The following PCNX1 variants were observed in gnomAD, a reference collection of about 807,000 sequenced individuals.
PCNX1 encodes the protein pecanex-like protein 1.
A neutral mutation model predicts 242.2 loss-of-function variants in PCNX1; 78 were observed. The observed-to-expected ratio is 0.32, with a 90% CI of 0.27 to 0.39. The LOEUF (loss-of-function observed/expected upper bound fraction) is 0.39. Among genes scored for constraint, PCNX1 ranks in the 10% least tolerant of loss-of-function variants. PCNX1 has a pLI of 1.00. For synonymous variants in PCNX1, 1,024 were observed against 1,032.9 expected (o/e 0.99, Z 0.17); for missense variants, 2,581 against 2,856.5 (o/e 0.90, Z 2.20).
intron 28 of PCNX1, among the ~76,000 whole-genome samples, chr14:71,087,349 G>A (rs552918823): frequency 7.2e-5 from 11 of 152,088 alleles, no homozygotes; most frequent in Non-Finnish European, 1.5e-4. Flanking sequence ...TAACACAGTC[G>A]CCATTAACTA....
At position 71,073,893 on chromosome 14, in the gene PCNX1, A is replaced by G. The variant is rs978288519; in HGVS notation, c.5106+95A>G. The stretch of plus-strand genomic sequence containing the variant: ...TATATATATGTATATACTTTTTTTT[A>G]ACGTATGCTTTGCTTCCAAGTACTT... On this transcript the variant is annotated intron_variant, in intron 27 of 35. Coordinates refer to ENST00000304743, the MANE Select transcript of PCNX1 (RefSeq NM_014982.3). The G allele has an allele frequency of 1.7e-4, 140 of 830,664 alleles. 1 individual carries two copies. The highest frequency in any genetic ancestry group is 1.5e-4 in the Non-Finnish European group (90 of 601,754). 51.5% of individuals were successfully genotyped at this position (830,664 alleles called of 1,614,324 possible).
chr14:71,053,155 A>AC (rs2061085073), intron 24 of PCNX1: 1 of 406,182 alleles, frequency 2.5e-6, no homozygotes, highest in Non-Finnish European at 4.7e-6. Context: ...ATTTTGGTGA[A>AC]TTTTGGTGTT....
chr14:71,010,514 C>T (rs896194480), intron 9 of PCNX1, among the ~76,000 whole-genome samples: 3 of 151,870 alleles, frequency 2.0e-5, no homozygotes, highest in African/African-American at 7.3e-5. Context: ...TCTTTTATCC[C>T]CCCATCTGAA....
In PCNX1 at chr14:70,977,709, G is replaced by C; in HGVS notation, c.1372G>C (p.Ala458Pro). ...TAGCAGTGAAAAGATTGCTATGGAA[G>C]CGAGTACCAACAGTGGGGTTCACGA... The part of the protein sequence containing the change: ...RTSSEKIAME[A>P]STNSGVHEAK... Residue 458 changes from alanine to proline, a missense_variant, in exon 6 of 36, where the codon GCG becomes CCG. Ala to Pro is a conservative substitution (Grantham distance 27, BLOSUM62 -1). Coordinates refer to ENST00000304743, the MANE Select transcript of PCNX1 (RefSeq NM_014982.3). 2 of 1,614,158 alleles carry C rather than the reference G, an allele frequency of 1.2e-6. No homozygotes were observed. The highest frequency in any genetic ancestry group is 4.5e-5 in the East Asian group (2 of 44,862).
intron 28 of PCNX1, among the ~76,000 whole-genome samples, chr14:71,086,165 G>C: frequency 6.6e-6 from 1 of 151,952 alleles, no homozygotes; most frequent in East Asian, 1.9e-4. Flanking sequence ...GTTTGATTTG[G>C]GTCTTTTCTA....
At chr14:71,004,243 C>G (rs1282194250) in intron 8 of PCNX1, among the ~76,000 whole-genome samples, 7 of 152,200 alleles carry the variant, frequency 4.6e-5, no homozygotes, top group Non-Finnish European at 8.8e-5. Context: ...GTTTTCTGAC[C>G]TTTTTATTTC....
chr14:71,102,894 A>T (rs1430661712), intron 31 of PCNX1, among the ~76,000 whole-genome samples: 1 of 152,216 alleles, frequency 6.6e-6, no homozygotes, highest in African/African-American at 2.4e-5. Flanking sequence ...CATGTACTTA[A>T]TAAAGATCAG....
chr14:71,036,934 T>A (rs2060554266), intron 19 of PCNX1, among the ~76,000 whole-genome samples: 1 of 152,174 alleles, frequency 6.6e-6, no homozygotes, highest in African/African-American at 2.4e-5. Context: ...GGAATGTTCT[T>A]CCATCTGTTT....
At chr14:70,969,200 T>A (rs1414735991) in intron 5 of PCNX1, 90 bp downstream of exon 5, 1 of 753,360 alleles carries the variant, frequency 1.3e-6, no homozygotes, top group East Asian at 2.5e-5. Context: ...GGCAGAAGTT[T>A]ATAACAATTT....
intron 1 of PCNX1, among the ~76,000 whole-genome samples, chr14:70,930,424 T>C (rs2056753868): frequency 6.6e-6 from 1 of 152,218 alleles, no homozygotes; most frequent in East Asian, 1.9e-4. Flanking sequence ...TTTAGTCTCT[T>C]TTCAGCTAGG....
intron 2 of PCNX1, among the ~76,000 whole-genome samples, chr14:70,952,209 G>T (rs976856395): frequency 2.0e-5 from 3 of 152,036 alleles, no homozygotes; most frequent in African/African-American, 4.8e-5. Flanking sequence ...AATTATTTCT[G>T]GATATTATAT....
intron 2 of PCNX1, among the ~76,000 whole-genome samples, chr14:70,948,858 T>C (rs1344961677): frequency 6.7e-6 from 1 of 148,300 alleles, no homozygotes; most frequent in Non-Finnish European, 1.5e-5. Flanking sequence ...TGTGTATATA[T>C]ACACATATGT....
At chr14:70,917,693 G>C (rs1038823782) in intron 1 of PCNX1, among the ~76,000 whole-genome samples, 2 of 152,152 alleles carry the variant, frequency 1.3e-5, no homozygotes, top group African/African-American at 2.4e-5. Flanking sequence ...TGGATTTTTG[G>C]AATGGCCAAT....
Position 71,103,429 on chromosome 14 carries a change from G to T in PCNX1, c.5855G>T (p.Gly1952Val), listed in dbSNP as rs2062517111. 1 of 1,614,024 alleles carries T rather than the reference G, an allele frequency of 6.2e-7. No homozygotes were observed. ...NKECVRGLWA[G>V]QQQELVFLRN... The stretch of plus-strand genomic sequence containing the variant: ...GAATGTGTCCGAGGTCTTTGGGCAG[G>T]GCAACAGCAGGAGCTTGTTTTTCTA... Residue 1952 changes from glycine (G) to valine (V), a missense_variant, in exon 32 of 36, where the codon GGG becomes GTG. Physicochemically the swap from Gly to Val is moderately radical, Grantham distance 109. Transcript: ENST00000304743.
At position 71,031,747 on chromosome 14, in the gene PCNX1, A is replaced by G. The variant is rs2060390309; in HGVS notation, c.3559-1682A>G. 3.3e-6 allele frequency: 4 copies of G among 1,226,960 alleles called. No homozygotes were observed. In the East Asian group the frequency reaches 7.0e-5, roughly 22 times the overall value. 76.0% of individuals were successfully genotyped at this position (1,226,960 alleles called of 1,614,324 possible). A position where few individuals can be genotyped will look rare whatever the true frequency, so the allele number is the denominator to read the frequency against. On this transcript the variant is annotated intron_variant, in intron 16 of 35. Transcript: ENST00000304743. Reference sequence around the variant, plus strand: ...CTCTGATGTTTTCTCTCTCACATCAACGACATTTTTGGGAAACTTCTCAGC... The same window carrying G: ...CTCTGATGTTTTCTCTCTCACATCAGCGACATTTTTGGGAAACTTCTCAGC...
chr14:71,074,990 C>CTCTTT (rs1159668298), intron 27 of PCNX1, among the ~76,000 whole-genome samples: 1 of 101,100 alleles, frequency 9.9e-6, no homozygotes, highest in African/African-American at 3.8e-5. Flanking sequence ...CTTTTCTTCT[C>CTCTTT]TTTTTTTTTT....
intron 7 of PCNX1, among the ~76,000 whole-genome samples, chr14:70,990,371 A>G (rs2059128031): frequency 6.6e-6 from 1 of 151,878 alleles, no homozygotes; most frequent in African/African-American, 2.4e-5. Flanking sequence ...GAGACTAGCC[A>G]ACATGGTGAA....
rs760937427 is a variant in PCNX1 at position 71,051,920 on chromosome 14, C to T, written c.4485C>T (p.Ala1495=). 20 of 1,613,788 alleles carry T rather than the reference C, an allele frequency of 1.2e-5. No individual in the cohort carries two copies. The highest frequency in any genetic ancestry group is 8.5e-7 in the Non-Finnish European group (1 of 1,179,776). The part of the protein sequence containing the change: ...AMLFIQAAVS[A]FFSTPLNPFL... ...TGTTTATTCAGGCTGCTGTCTCGGC[C>T]TTCTTCTCTACTCCACTGAACCCCT... Residue 1495 remains alanine (A), a synonymous_variant, in exon 24 of 36, where the codon GCC becomes GCT. Coordinates refer to ENST00000304743, the MANE Select transcript of PCNX1 (RefSeq NM_014982.3).
intron 1 of PCNX1, among the ~76,000 whole-genome samples, chr14:70,945,103 C>CTA (rs2057405480): frequency 6.6e-6 from 1 of 152,184 alleles, no homozygotes; most frequent in Non-Finnish European, 1.5e-5. Flanking sequence ...GTCCAACCCT[C>CTA]TAATCAGGAG....
Sources: gnomAD v4.1 joint callset for allele counts (sites outside exome capture counted in the v4.1 genomes callset) on GRCh38, gnomAD v4.1.1 for gene constraint, MANE v1.5 for transcripts, NCBI Gene and HGNC (gene_info 2026-07-23, HGNC 2026-07-21) for gene names.